SPOCK3: variants seen among roughly 807,000 people sequenced by gnomAD.
SPOCK3 encodes the protein SPARC (osteonectin), cwcv and kazal like domains proteoglycan 3, also known as testican-3.
In SPOCK3, 30 loss-of-function variants were observed where a neutral mutation model predicts 56.6. The observed-to-expected ratio is 0.53, with a 90% CI of 0.40 to 0.72. SPOCK3 has a LOEUF of 0.72. Ranked by LOEUF, SPOCK3 falls within the 30% of genes least tolerant of loss-of-function variation. The probability of loss-of-function intolerance (pLI) is 0.00; values close to 1 mark genes in which losing one functional copy is unlikely to be tolerated. For missense variants in SPOCK3, 527 were observed against 530.0 expected (o/e 0.99, Z 0.06); for synonymous variants, 196 against 183.3 (o/e 1.07, Z -0.56).
chr4:167,233,919 C>A, intron 2 of SPOCK3, 66 bp downstream of exon 2: 1 of 1,416,712 alleles, frequency 7.1e-7, no homozygotes, highest in Non-Finnish European at 9.9e-7. Context: ...CCACATCCGG[C>A]GGCCGCGGCC....
intron 2 of SPOCK3, among the ~76,000 whole-genome samples, chr4:167,210,924 A>G (rs1580639108): frequency 6.6e-6 from 1 of 152,202 alleles, no homozygotes; most frequent in Non-Finnish European, 1.5e-5. Flanking sequence ...TTACTGGAAA[A>G]TGATAGATCC....
intron 2 of SPOCK3, among the ~76,000 whole-genome samples, chr4:167,219,043 T>C (rs1735640775): frequency 6.6e-6 from 1 of 152,108 alleles, no homozygotes; most frequent in African/African-American, 2.4e-5. Context: ...AAAAAATATA[T>C]TTTATGTCAA....
intron 2 of SPOCK3, among the ~76,000 whole-genome samples, chr4:167,066,251 G>A (rs1026865391): frequency 6.6e-6 from 1 of 151,776 alleles, no homozygotes. Flanking sequence ...TTGATATTTT[G>A]AGCCAGATAA....
At chr4:167,100,487 T>TCA (rs141060778) in intron 2 of SPOCK3, among the ~76,000 whole-genome samples, 11,337 of 147,746 alleles carry the variant, frequency 0.077, 679 homozygotes, top group East Asian at 0.19. Flanking sequence ...TCTCTCTCTC[T>TCA]CACACACACA....
At chr4:167,211,416 G>A (rs749029401) in intron 2 of SPOCK3, among the ~76,000 whole-genome samples, 3 of 152,128 alleles carry the variant, frequency 2.0e-5, no homozygotes, top group South Asian at 2.1e-4. Flanking sequence ...GTTTTGAAAC[G>A]TAAGGACAAG....
intron 2 of SPOCK3, among the ~76,000 whole-genome samples, chr4:167,117,165 T>TTGTATA (rs1371901953): frequency 1.3e-5 from 2 of 151,864 alleles, no homozygotes; most frequent in Non-Finnish European, 2.9e-5. Flanking sequence ...CATTGTATGC[T>TTGTATA]TGTATCAAAA....
At chr4:166,946,488 C>A (rs1741765614) in intron 4 of SPOCK3, among the ~76,000 whole-genome samples, 1 of 152,182 alleles carries the variant, frequency 6.6e-6, no homozygotes, top group African/African-American at 2.4e-5. Context: ...GCCGCCAAGT[C>A]CTTTGCTCTA....
chr4:167,023,103 T>C (rs35140653), intron 3 of SPOCK3, among the ~76,000 whole-genome samples: 4,057 of 152,034 alleles, frequency 0.027, 84 homozygotes, highest in Middle Eastern at 0.061. Flanking sequence ...TTTCACTTAG[T>C]CAATGCGAGC....
intron 2 of SPOCK3, among the ~76,000 whole-genome samples, chr4:167,199,935 A>G (rs1307783842): frequency 6.6e-6 from 1 of 151,774 alleles, no homozygotes; most frequent in Non-Finnish European, 1.5e-5. Context: ...AATGAAAAAA[A>G]CCCATGAATA....
At chr4:166,748,132 C>G (rs1735893943) in intron 8 of SPOCK3, among the ~76,000 whole-genome samples, 1 of 147,698 alleles carries the variant, frequency 6.8e-6, no homozygotes, top group South Asian at 2.1e-4. Flanking sequence ...TTGGAAAAAA[C>G]TACTTTAAAG....
chr4:167,223,127 A>G (rs1409462360), intron 2 of SPOCK3, among the ~76,000 whole-genome samples: 1 of 113,128 alleles, frequency 8.8e-6, no homozygotes, highest in African/African-American at 3.8e-5. Context: ...TATTTTATAT[A>G]TGAATATATA....
intron 6 of SPOCK3, among the ~76,000 whole-genome samples, chr4:166,878,892 A>G (rs1733396174): frequency 1.3e-5 from 2 of 152,176 alleles, no homozygotes; most frequent in South Asian, 4.1e-4. Flanking sequence ...AATAGCATCC[A>G]CATCCTAGGG....
At chr4:167,072,689 T>C (rs1214203253) in intron 2 of SPOCK3, among the ~76,000 whole-genome samples, 1 of 151,940 alleles carries the variant, frequency 6.6e-6, no homozygotes, top group Non-Finnish European at 1.5e-5. Flanking sequence ...TTTTCTTTTC[T>C]GACCATCAGT....
intron 4 of SPOCK3, among the ~76,000 whole-genome samples, chr4:166,930,988 A>G (rs1739679271): frequency 6.6e-6 from 1 of 151,864 alleles, no homozygotes; most frequent in Non-Finnish European, 1.5e-5. Context: ...CACAGAAACA[A>G]TTTTCCTTTT....
chr4:166,856,864 G>A (rs1391058876), intron 6 of SPOCK3, among the ~76,000 whole-genome samples: 1 of 151,432 alleles, frequency 6.6e-6, no homozygotes, highest in African/African-American at 2.4e-5. Flanking sequence ...GCAATCGACT[G>A]GAAAAAAAGA....
At chr4:166,774,928 C>G (rs1365376568) in intron 7 of SPOCK3, among the ~76,000 whole-genome samples, 1 of 152,162 alleles carries the variant, frequency 6.6e-6, no homozygotes, top group Non-Finnish European at 1.5e-5. Flanking sequence ...TTAAGTGCAA[C>G]TTGCTTACAT....
chr4:166,964,343 C>T (rs961646681), intron 4 of SPOCK3, among the ~76,000 whole-genome samples: 4 of 151,682 alleles, frequency 2.6e-5, no homozygotes, highest in South Asian at 2.1e-4. Context: ...ACCTATGTTG[C>T]TATGGGATTT....
At chr4:166,889,825 A>G (rs1734586992) in intron 5 of SPOCK3, among the ~76,000 whole-genome samples, 1 of 151,984 alleles carries the variant, frequency 6.6e-6, no homozygotes, top group South Asian at 2.1e-4. Context: ...GTGATTTTCC[A>G]CAAACATAGC....
intron 8 of SPOCK3, among the ~76,000 whole-genome samples, chr4:166,752,552 G>GTATA (rs36225376): frequency 1.1e-4 from 7 of 61,462 alleles, no homozygotes; most frequent in African/African-American, 2.2e-4. Flanking sequence ...CTATATGTGT[G>GTATA]TATATATATA....
Sources: allele counts gnomAD v4.1 joint callset (sites outside exome capture counted in the v4.1 genomes callset), GRCh38; gene constraint gnomAD v4.1.1; transcripts MANE v1.5; gene names NCBI Gene and HGNC (gene_info 2026-07-23, HGNC 2026-07-21).